Variants in CTNND2 observed in about 807,000 individuals in gnomAD.
CTNND2 encodes the protein catenin delta 2.
In CTNND2, 22 loss-of-function variants were observed where a neutral mutation model predicts 144.4. The observed-to-expected ratio is 0.15, with a 90% CI of 0.11 to 0.22. The LOEUF (loss-of-function observed/expected upper bound fraction) is 0.22, where lower values mean the gene tolerates loss of function less well. Ranked by LOEUF, CTNND2 falls within the 10% of genes least tolerant of loss-of-function variation. The probability of loss-of-function intolerance (pLI) is 1.00; values close to 1 mark genes in which losing one functional copy is unlikely to be tolerated. For missense variants in CTNND2, 1,353 were observed against 1,618.8 expected, an observed-to-expected ratio of 0.84 and a Z score of 2.82; for synonymous variants, 751 against 695.6, an observed-to-expected ratio of 1.08 and a Z score of -1.25.
At chr5:11,730,249 T>C (rs1343193885) in intron 2 of CTNND2, among the ~76,000 whole-genome samples, 1 of 152,202 alleles carries the variant, frequency 6.6e-6, no homozygotes, top group African/African-American at 2.4e-5. Flanking sequence ...ACAAAGCTCC[T>C]TCCCCAGAGT....
At chr5:11,698,728 A>G (rs933181805) in intron 2 of CTNND2, among the ~76,000 whole-genome samples, 1 of 152,152 alleles carries the variant, frequency 6.6e-6, no homozygotes, top group Non-Finnish European at 1.5e-5. Context: ...TAACTAAAAT[A>G]TACTTAATTT....
At chr5:11,297,713 A>G (rs535524651) in intron 9 of CTNND2, among the ~76,000 whole-genome samples, 130 of 152,226 alleles carry the variant, frequency 8.5e-4, no homozygotes, top group African/African-American at 3.0e-3. Context: ...GGAGGTCAGG[A>G]GGCAAAAAAG....
intron 5 of CTNND2, among the ~76,000 whole-genome samples, chr5:11,397,730 T>C (rs1258735455): frequency 3.3e-5 from 5 of 152,150 alleles, no homozygotes; most frequent in Non-Finnish European, 7.4e-5. Context: ...CTTTGTACGA[T>C]GTGGAATTCA....
chr5:11,790,504 T>C (rs1199208061), intron 1 of CTNND2, among the ~76,000 whole-genome samples: 1 of 152,136 alleles, frequency 6.6e-6, no homozygotes, highest in African/African-American at 2.4e-5. Flanking sequence ...TCCTACGTTA[T>C]ATGCTGCTGT....
intron 3 of CTNND2, among the ~76,000 whole-genome samples, chr5:11,511,901 C>A (rs148130911): frequency 6.6e-6 from 1 of 152,176 alleles, no homozygotes; most frequent in Non-Finnish European, 1.5e-5. Context: ...TCTGACTGCC[C>A]TTGGACATTA....
At chr5:10,978,644 G>T (rs181435496) in intron 21 of CTNND2, among the ~76,000 whole-genome samples, 1 of 152,304 alleles carries the variant, frequency 6.6e-6, no homozygotes, top group East Asian at 1.9e-4. Context: ...CAGCTCTGCC[G>T]GGGGCTTGCC....
intron 1 of CTNND2, among the ~76,000 whole-genome samples, chr5:11,736,336 T>G (rs1039330988): frequency 6.6e-6 from 1 of 152,170 alleles, no homozygotes; most frequent in African/African-American, 2.4e-5. Flanking sequence ...CTACCTCCTT[T>G]CTCCTTACAG....
intron 16 of CTNND2, among the ~76,000 whole-genome samples, chr5:11,033,745 G>A (rs953642594): frequency 5.9e-5 from 9 of 152,108 alleles, no homozygotes; most frequent in South Asian, 2.1e-4. Context: ...CAGGAGAATC[G>A]CTTGAACCTG....
intron 1 of CTNND2, among the ~76,000 whole-genome samples, chr5:11,796,467 T>A (rs1261773095): frequency 6.6e-6 from 1 of 152,204 alleles, no homozygotes; most frequent in Non-Finnish European, 1.5e-5. Flanking sequence ...GCAGTAATAT[T>A]TTAGCATAAT....
chr5:11,198,449 G>A lies in CTNND2; in HGVS notation c.1975+999C>T, dbSNP rs368095652. Among the ~76,000 whole-genome samples the A allele has an allele frequency of 1.1e-4, 17 of 152,228 alleles. No individual in the cohort carries two copies. In the East Asian group the frequency reaches 1.9e-3, roughly 17 times the overall value. ...ATACGAAAGTTGGGAGTCTTGACCCGGGACTGGACAAATATTTATGACTCT... is the reference window on the plus strand; with the variant it reads ...ATACGAAAGTTGGGAGTCTTGACCCAGGACTGGACAAATATTTATGACTCT... On this transcript the variant is annotated intron_variant, in intron 11 of 21. Coordinates refer to ENST00000304623, the MANE Select transcript of CTNND2 (RefSeq NM_001332.4).
At chr5:11,427,732 T>C (rs1375925685) in intron 3 of CTNND2, among the ~76,000 whole-genome samples, 2 of 152,124 alleles carry the variant, frequency 1.3e-5, no homozygotes, top group Non-Finnish European at 2.9e-5. Context: ...CAAGAAATCC[T>C]CTCCTGCCTC....
intron 7 of CTNND2, among the ~76,000 whole-genome samples, chr5:11,368,340 C>A (rs1757164554): frequency 6.6e-6 from 1 of 152,168 alleles, no homozygotes; most frequent in African/African-American, 2.4e-5. Flanking sequence ...TACAGGTGAC[C>A]TGAATGGATG....
intron 9 of CTNND2, among the ~76,000 whole-genome samples, chr5:11,239,531 C>T (rs1007512541): frequency 5.3e-5 from 8 of 152,232 alleles, no homozygotes; most frequent in African/African-American, 1.9e-4. Flanking sequence ...CTCTTCCCAC[C>T]TGAGGCATTT....
chr5:11,332,863 T>C (rs532815845), intron 9 of CTNND2, among the ~76,000 whole-genome samples: 54 of 152,310 alleles, frequency 3.5e-4, no homozygotes, highest in African/African-American at 1.2e-3. Flanking sequence ...AGTGAATAAG[T>C]CTCATGAGAT....
At chr5:11,880,511 T>C (rs112222917) in intron 1 of CTNND2, among the ~76,000 whole-genome samples, 40 of 131,900 alleles carry the variant, frequency 3.0e-4, no homozygotes, top group African/African-American at 1.1e-3. Flanking sequence ...GTACTACTAC[T>C]ACTACCACTA....
chr5:11,560,154 G>A (rs1658339943), intron 3 of CTNND2, among the ~76,000 whole-genome samples: 1 of 152,156 alleles, frequency 6.6e-6, no homozygotes, highest in Non-Finnish European at 1.5e-5. Flanking sequence ...ATTCTTCAAA[G>A]AGTACTAGCC....
At chr5:11,054,205 G>A (rs1580154111) in intron 16 of CTNND2, among the ~76,000 whole-genome samples, 1 of 152,286 alleles carries the variant, frequency 6.6e-6, no homozygotes, top group East Asian at 1.9e-4. Flanking sequence ...GGACAATGAT[G>A]GCAGTGAATT....
At chr5:11,856,617 A>G (rs1795262644) in intron 1 of CTNND2, among the ~76,000 whole-genome samples, 1 of 152,206 alleles carries the variant, frequency 6.6e-6, no homozygotes, top group Admixed American at 6.5e-5. Context: ...ATGAAAGGGC[A>G]TCAGGAACTA....
chr5:11,754,775 C>G (rs1325332747), intron 1 of CTNND2, among the ~76,000 whole-genome samples: 1 of 151,626 alleles, frequency 6.6e-6, no homozygotes, highest in Non-Finnish European at 1.5e-5. Flanking sequence ...AGAATAGCAG[C>G]CCCTGCTTTT....
Sources: allele counts gnomAD v4.1 joint callset (sites outside exome capture counted in the v4.1 genomes callset), GRCh38; gene constraint gnomAD v4.1.1; transcripts MANE v1.5; gene names NCBI Gene and HGNC (gene_info 2026-07-23, HGNC 2026-07-21).